The following DLG2 variants were observed in gnomAD, a reference collection of about 807,000 sequenced individuals.
DLG2 encodes discs large MAGUK scaffold protein 2.
DLG2 carries 45 observed loss-of-function variants against 132.5 expected under a neutral mutation model. The observed-to-expected ratio is 0.34, with a 90% CI of 0.27 to 0.44. The LOEUF is 0.44. Among genes scored for constraint, DLG2 ranks in the 20% least tolerant of loss-of-function variants. The pLI, the probability that DLG2 is intolerant of heterozygous loss-of-function variation, is 1.00. For synonymous variants in DLG2, 424 were observed against 419.6 expected, an observed-to-expected ratio of 1.01 and a Z score of -0.13; for missense variants, 1,045 against 1,196.9, an observed-to-expected ratio of 0.87 and a Z score of 1.87.
At chr11:84,640,518 G>A in intron 6 of DLG2, 2 of 374,630 alleles carry the variant, frequency 5.3e-6, no homozygotes, top group Non-Finnish European at 1.0e-5. Flanking sequence ...ACTTTTGGAT[G>A]GTATCTATGT....
chr11:85,419,348 C>G (rs1021543322), intron 3 of DLG2, among the ~76,000 whole-genome samples: 7 of 152,112 alleles, frequency 4.6e-5, no homozygotes, highest in Admixed American at 3.9e-4. Context: ...CTCTGGCTGC[C>G]CTTAATCTTT....
chr11:84,712,364 G>A (rs2060544695), intron 6 of DLG2, among the ~76,000 whole-genome samples: 1 of 152,044 alleles, frequency 6.6e-6, no homozygotes, highest in African/African-American at 2.4e-5. Flanking sequence ...TGTCAAGGGG[G>A]TCAAAAGGTC....
intron 2 of DLG2, among the ~76,000 whole-genome samples, chr11:85,621,863 C>T (rs1003972086): frequency 2.0e-5 from 3 of 152,214 alleles, no homozygotes; most frequent in Non-Finnish European, 4.4e-5. Context: ...AAAGCAGCAG[C>T]AGGGTTTGAG....
chr11:84,035,624 G>A (rs2095844544), intron 11 of DLG2, among the ~76,000 whole-genome samples: 1 of 152,180 alleles, frequency 6.6e-6, no homozygotes, highest in Admixed American at 6.6e-5. Context: ...CTATGGTAAG[G>A]CTGTGGAGTT....
intron 6 of DLG2, among the ~76,000 whole-genome samples, chr11:84,606,880 CT>C (rs1343650507): frequency 1.3e-5 from 2 of 152,110 alleles, no homozygotes; most frequent in Admixed American, 6.6e-5. Flanking sequence ...CCCTTCCCCC[CT>C]GGAAAATCTT....
intron 2 of DLG2, among the ~76,000 whole-genome samples, chr11:85,616,811 A>G (rs947863): frequency 0.13 from 19,466 of 152,222 alleles, 1,513 homozygotes; most frequent in East Asian, 0.29. Context: ...ACCCAAGAGG[A>G]ATGGCATTGT....
intron 3 of DLG2, among the ~76,000 whole-genome samples, chr11:85,401,978 T>TG (rs1565439431): frequency 6.6e-6 from 1 of 151,278 alleles, no homozygotes; most frequent in African/African-American, 2.4e-5. Flanking sequence ...TTCAGAGAAT[T>TG]AATAAAAAAC....
intron 6 of DLG2, among the ~76,000 whole-genome samples, chr11:85,086,451 T>C (rs2067934790): frequency 6.6e-6 from 1 of 152,082 alleles, no homozygotes; most frequent in Admixed American, 6.5e-5. Flanking sequence ...AGCTAATCTG[T>C]AATATGAAAT....
intron 3 of DLG2, among the ~76,000 whole-genome samples, chr11:85,564,564 AC>A (rs529753489): frequency 1.1e-4 from 16 of 151,772 alleles, no homozygotes; most frequent in Non-Finnish European, 2.2e-4. Context: ...AAATCAATTC[AC>A]CCTATACATT....
chr11:85,014,590 C>G (rs1176369392), intron 6 of DLG2, among the ~76,000 whole-genome samples: 2 of 152,136 alleles, frequency 1.3e-5, no homozygotes, highest in Non-Finnish European at 2.9e-5. Context: ...GGTAAGGTAG[C>G]TATTTCTACC....
chr11:85,424,775 G>T (rs1227362912), intron 3 of DLG2, among the ~76,000 whole-genome samples: 2 of 151,990 alleles, frequency 1.3e-5, no homozygotes, highest in East Asian at 3.8e-4. Flanking sequence ...TATATTCCAA[G>T]CTCTCTACAA....
chr11:84,587,882 G>A (rs572781197), intron 6 of DLG2, among the ~76,000 whole-genome samples: 1 of 152,176 alleles, frequency 6.6e-6, no homozygotes, highest in South Asian at 2.1e-4. Context: ...TTTTTCTCAG[G>A]AGCCCCACTA....
intron 7 of DLG2, among the ~76,000 whole-genome samples, chr11:84,361,121 T>C (rs541578263): frequency 6.6e-6 from 1 of 151,902 alleles, no homozygotes; most frequent in Non-Finnish European, 1.5e-5. Flanking sequence ...GCCAGTGATA[T>C]GCTGAATGAT....
rs2078171647 is a variant in DLG2, at chr11:85,163,206, TACACACACACACACACAGAC to T, written c.187-8575_187-8556del. 2.7e-5 allele frequency among the ~76,000 whole-genome samples: 4 copies of T among 148,272 alleles called. No homozygotes were observed. In the South Asian group the frequency reaches 6.5e-4, roughly 24 times the overall value. On this transcript the variant is annotated intron_variant, in intron 4 of 27. Transcript: ENST00000376104. ...TTAATAAACTCCCCTTTATATATAT[TACACACACACACACACAGAC>T]ACACACACACACACACACTATTAGT...
chr11:84,495,592 T>TAAC (rs1484848845), intron 7 of DLG2, among the ~76,000 whole-genome samples: 5 of 152,162 alleles, frequency 3.3e-5, no homozygotes, highest in Non-Finnish European at 5.9e-5. Context: ...AACAAAAGAA[T>TAAC]AAATGATGTC....
At chr11:84,317,341 G>T in intron 7 of DLG2, 3 of 1,407,886 alleles carry the variant, frequency 2.1e-6, no homozygotes, top group Non-Finnish European at 2.8e-6. Flanking sequence ...ATTATCTGCG[G>T]GCTGGTAGCT....
chr11:84,301,145 G>A (rs1314477496), intron 7 of DLG2, among the ~76,000 whole-genome samples: 4 of 151,978 alleles, frequency 2.6e-5, no homozygotes, highest in African/African-American at 7.3e-5. Flanking sequence ...AGTACACCAA[G>A]GTTTACTTCA....
chr11:84,425,037 A>G (rs1023613206), intron 7 of DLG2, among the ~76,000 whole-genome samples: 2 of 152,086 alleles, frequency 1.3e-5, no homozygotes, highest in African/African-American at 4.8e-5. Context: ...TCCAATCTAT[A>G]CCTAAACTTC....
intron 7 of DLG2, among the ~76,000 whole-genome samples, chr11:84,306,560 C>A (rs2098221221): frequency 6.6e-6 from 1 of 152,230 alleles, no homozygotes; most frequent in East Asian, 1.9e-4. Context: ...TGAATCCTTG[C>A]AAAAATACTT....
Sources: gnomAD v4.1 joint callset for allele counts (sites outside exome capture counted in the v4.1 genomes callset) on GRCh38, gnomAD v4.1.1 for gene constraint, MANE v1.5 for transcripts, NCBI Gene and HGNC (gene_info 2026-07-23, HGNC 2026-07-21) for gene names.